Variants in TRABD2B observed in about 807,000 individuals in gnomAD.
TRABD2B encodes metalloprotease TIKI2.
In TRABD2B, 14 loss-of-function variants were observed where a neutral mutation model predicts 40.1. That is an observed-to-expected ratio of 0.35 (90% CI 0.23 to 0.55). The LOEUF (loss-of-function observed/expected upper bound fraction) is 0.55, where lower values mean the gene tolerates loss of function less well. Among genes scored for constraint, TRABD2B ranks in the 20% least tolerant of loss-of-function variants. TRABD2B has a pLI of 0.90. For synonymous variants in TRABD2B, 263 were observed against 277.0 expected (o/e 0.95, Z 0.50); for missense variants, 541 against 648.6 (o/e 0.83, Z 1.80).
chr1:47,920,090 T>G (rs1644881939), intron 2 of TRABD2B, among the ~76,000 whole-genome samples: 1 of 152,184 alleles, frequency 6.6e-6, no homozygotes, highest in Non-Finnish European at 1.5e-5. Flanking sequence ...CTTTGGTACA[T>G]GTATAGTAAG....
At chr1:47,863,395 A>ATATATATATATATATATATATAT (rs1553159688) in intron 2 of TRABD2B, among the ~76,000 whole-genome samples, 3 of 31,992 alleles carry the variant, frequency 9.4e-5, no homozygotes, top group South Asian at 5.7e-4. Flanking sequence ...TATATATATA[A>ATATATATATATATATATATATAT]TCTCTTAAAA....
At chr1:47,857,873 T>G in intron 2 of TRABD2B, among the ~76,000 whole-genome samples, 1 of 151,344 alleles carries the variant, frequency 6.6e-6, no homozygotes, top group Non-Finnish European at 1.5e-5. Flanking sequence ...TTTTGTATCT[T>G]AGTTAATACG....
At chr1:47,913,843 G>A (rs1046812855) in intron 2 of TRABD2B, among the ~76,000 whole-genome samples, 1 of 152,128 alleles carries the variant, frequency 6.6e-6, no homozygotes, top group Non-Finnish European at 1.5e-5. Context: ...TGCCTACACA[G>A]GAAAACTCAT....
In TRABD2B at chr1:47,775,924, C is replaced by A. The variant is rs79791359; in HGVS notation, c.1080-485G>T. ...GCTAGGAAGACGTGAGGGAGCGAGC[C>A]CTGGGTACGTCTCTGGGGCGTATCT... On this transcript the variant is annotated intron_variant, in intron 5 of 6. Coordinates refer to ENST00000606738, the MANE Select transcript of TRABD2B (RefSeq NM_001194986.2). 6.4e-3 allele frequency among the ~76,000 whole-genome samples: 966 copies of A among 151,930 alleles called. 9 individuals are homozygous for A. The highest frequency in any genetic ancestry group is 0.022 in the African/African-American group (916 of 41,420).
chr1:47,967,656 T>C (rs911490673), intron 2 of TRABD2B, among the ~76,000 whole-genome samples: 1 of 152,146 alleles, frequency 6.6e-6, no homozygotes, highest in African/African-American at 2.4e-5. Flanking sequence ...TTAAGAGAGA[T>C]AGATAAATGA....
intron 3 of TRABD2B, among the ~76,000 whole-genome samples, chr1:47,795,349 C>A (rs1454285384): frequency 6.6e-6 from 1 of 152,234 alleles, no homozygotes; most frequent in African/African-American, 2.4e-5. Flanking sequence ...CTCTGCCCTG[C>A]TGAACCTCAG....
chr1:47,932,403 A>G (rs1250698814), intron 2 of TRABD2B, among the ~76,000 whole-genome samples: 1 of 152,220 alleles, frequency 6.6e-6, no homozygotes, highest in Non-Finnish European at 1.5e-5. Flanking sequence ...TGGATTGAGA[A>G]GACAATGGAA....
chr1:47,941,203 T>C (rs554396051), intron 2 of TRABD2B, among the ~76,000 whole-genome samples: 2 of 152,172 alleles, frequency 1.3e-5, no homozygotes, highest in East Asian at 3.9e-4. Flanking sequence ...AGAACCTCAG[T>C]GGTAGAGCCA....
intron 2 of TRABD2B, among the ~76,000 whole-genome samples, chr1:47,904,278 C>T (rs1243354760): frequency 6.6e-6 from 1 of 152,096 alleles, no homozygotes; most frequent in Non-Finnish European, 1.5e-5. Flanking sequence ...ATGGAAATAG[C>T]ATGATCAATG....
At position 47,765,556 on chromosome 1, in the gene TRABD2B, G is replaced by A. The variant is rs1178735156; in HGVS notation, c.*346C>T. On this transcript the variant is annotated 3_prime_UTR_variant, in exon 7 of 7. Coordinates refer to ENST00000606738, the MANE Select transcript of TRABD2B (RefSeq NM_001194986.2). ...AGCCAGTCCAGAGCCACAGTCCACA[G>A]GAGGTCACTGATGTCCCGGGTTCCC... 3.0e-6 allele frequency: 1 copy of A among 330,564 alleles called. No homozygotes were observed. Among genetic ancestry groups the A allele is most frequent in the African/African-American group, 2.2e-5 (1 of 45,600 alleles). The allele number at this position is 330,564 out of a possible 1,614,324, so 20.5% of individuals were successfully genotyped here.
In TRABD2B at chr1:47,994,150, G is replaced by C. The variant is rs1241111295; in HGVS notation, c.550C>G (p.Pro184Ala). Residue 184 changes from proline (P) to alanine (A), a missense_variant, in exon 2 of 7, where the codon CCC (proline) becomes GCC (alanine). Around this residue, in one of 2 missense-constraint regions of TRABD2B, gnomAD observed 369 missense variants for 492.8 expected, o/e 0.75. Transcript: ENST00000606738. The surrounding 1 kb of genome is among the most constrained non-coding windows in gnomAD (Gnocchi z 6.7). ...TERDVRFRGVPVLDLYLAQQA... is the reference protein window; with the variant it reads ...TERDVRFRGVAVLDLYLAQQA... ...TGGGCCAGGTAGAGGTCGAGCACGGGCACACCACGGAAGCGCACGTCCCTC... is the reference window on the plus strand; with the variant it reads ...TGGGCCAGGTAGAGGTCGAGCACGGCCACACCACGGAAGCGCACGTCCCTC... 17 of 1,536,352 alleles carry C rather than the reference G, an allele frequency of 1.1e-5. No homozygotes were observed.
chr1:47,836,345 C>A (rs192622984), intron 2 of TRABD2B, among the ~76,000 whole-genome samples: 79 of 152,338 alleles, frequency 5.2e-4, no homozygotes, highest in African/African-American at 1.8e-3. Flanking sequence ...GACTGACCTC[C>A]AGTGGACTGT....
chr1:47,808,012 T>C (rs964700184), intron 2 of TRABD2B, among the ~76,000 whole-genome samples: 12 of 152,200 alleles, frequency 7.9e-5, no homozygotes, highest in Admixed American at 2.0e-4. Flanking sequence ...AGATATTTGG[T>C]CAAACTTTTT....
At chr1:47,766,709 G>A (rs1024220163) in intron 6 of TRABD2B, among the ~76,000 whole-genome samples, 1 of 152,168 alleles carries the variant, frequency 6.6e-6, no homozygotes, top group Non-Finnish European at 1.5e-5. Context: ...GTGGTGGCTG[G>A]CGGGGAGGCT....
chr1:47,953,060 A>AGGGGAACATTGGCTTG (rs1557677089), intron 2 of TRABD2B, among the ~76,000 whole-genome samples: 1 of 152,164 alleles, frequency 6.6e-6, no homozygotes, highest in African/African-American at 2.4e-5. Context: ...AGCTACCATT[A>AGGGGAACATTGGCTTG]GGGGAACATT....
chr1:47,928,723 T>C (rs1054615175), intron 2 of TRABD2B, among the ~76,000 whole-genome samples: 2 of 152,252 alleles, frequency 1.3e-5, no homozygotes, highest in South Asian at 2.1e-4. Context: ...CTAAGTGTAC[T>C]AGTACATAGC....
Position 47,880,912 on chromosome 1 carries a change from G to A in TRABD2B, c.667-79293C>T, listed in dbSNP as rs182016228. On this transcript the variant is annotated intron_variant, in intron 2 of 6. Transcript: ENST00000606738. ...AACTAGAGGGTACTGTTCATTGGGG[G>A]TCCCCTCGCAGCAGTGAGAACAGCA... 1.0e-3 allele frequency among the ~76,000 whole-genome samples: 152 copies of A among 152,320 alleles called. 1 individual carries two copies. The highest frequency in any genetic ancestry group is 3.5e-3 in the African/African-American group (147 of 41,544).
At chr1:47,917,648 C>T (rs767703079) in intron 2 of TRABD2B, among the ~76,000 whole-genome samples, 11 of 151,824 alleles carry the variant, frequency 7.2e-5, no homozygotes, top group Middle Eastern at 3.2e-3. Flanking sequence ...GTGGGAGGAT[C>T]CCTTGAGTCC....
intron 2 of TRABD2B, among the ~76,000 whole-genome samples, chr1:47,993,486 C>G (rs1008276452): frequency 1.3e-5 from 2 of 152,162 alleles, no homozygotes; most frequent in African/African-American, 2.4e-5. Context: ...CGAGGCGGTC[C>G]GAGGGTCACC....
Sources: gnomAD v4.1 joint callset for allele counts (sites outside exome capture counted in the v4.1 genomes callset) on GRCh38, gnomAD v4.1.1 for gene constraint, gnomAD v4.1.1 regional missense constraint, Gnocchi (gnomAD v3.1) non-coding constraint, MANE v1.5 for transcripts, NCBI Gene and HGNC (gene_info 2026-07-23, HGNC 2026-07-21) for gene names.